PRKD1: variants seen among roughly 807,000 people sequenced by gnomAD.
PRKD1 encodes serine/threonine-protein kinase D1.
A neutral mutation model predicts 95.9 loss-of-function variants in PRKD1; 63 were observed. The observed-to-expected ratio is 0.66, with a 90% CI of 0.54 to 0.81. PRKD1 has a LOEUF of 0.81. Ranked by LOEUF, PRKD1 falls within the 30% of genes least tolerant of loss-of-function variation. The pLI is 0.00. For synonymous variants in PRKD1, 425 were observed against 423.1 expected (o/e 1.00, Z -0.05); for missense variants, 1,048 against 1,165.3 (o/e 0.90, Z 1.47).
At chr14:29,910,499 G>C (rs1485015976) in intron 1 of PRKD1, among the ~76,000 whole-genome samples, 1 of 152,136 alleles carries the variant, frequency 6.6e-6, no homozygotes, top group East Asian at 1.9e-4. Context: ...CAAAGCCCTA[G>C]AGACTGCCAA....
At chr14:29,676,274 T>C (rs1182500210) in intron 2 of PRKD1, among the ~76,000 whole-genome samples, 1 of 148,316 alleles carries the variant, frequency 6.7e-6, no homozygotes, top group Admixed American at 6.8e-5. Context: ...TTCAGCGGCA[T>C]CAGTTTACTC....
rs1167365079 is a variant in PRKD1 at position 29,599,147 on chromosome 14, A to G, written c.2068-22T>C. ...GTATCTGTAAAGAAGAATCACCAAA[A>G]TTTCATTCCAGTTTATTAATTTCAA... On this transcript the variant is annotated intron_variant, in intron 14 of 17. Coordinates refer to ENST00000331968, the MANE Select transcript of PRKD1 (RefSeq NM_002742.3). 3 of 1,586,444 alleles carry G rather than the reference A, an allele frequency of 1.9e-6. No individual in the cohort carries two copies. The Admixed American group carries it at 5.0e-5, about 27-fold the overall frequency.
intron 1 of PRKD1, among the ~76,000 whole-genome samples, chr14:29,739,805 G>A (rs964625428): frequency 6.6e-6 from 1 of 152,162 alleles, no homozygotes; most frequent in African/African-American, 2.4e-5. Context: ...GTGACTCAGT[G>A]AGATACTTAA....
chr14:29,814,295 G>A (rs749494613), intron 1 of PRKD1, among the ~76,000 whole-genome samples: 1 of 152,142 alleles, frequency 6.6e-6, no homozygotes, highest in African/African-American at 2.4e-5. Flanking sequence ...ACAACACTGG[G>A]TCAGCATTTG....
At chr14:29,587,419 A>G (rs1050513579) in intron 16 of PRKD1, among the ~76,000 whole-genome samples, 2 of 152,212 alleles carry the variant, frequency 1.3e-5, no homozygotes, top group Non-Finnish European at 2.9e-5. Context: ...ATCTCCACAC[A>G]TAACTCAGGT....
chr14:29,725,298 A>C (rs1212270880), intron 2 of PRKD1, among the ~76,000 whole-genome samples: 2 of 152,086 alleles, frequency 1.3e-5, no homozygotes, highest in Non-Finnish European at 2.9e-5. Context: ...AGAGGCTGAG[A>C]GGGGGCTGGG....
intron 13 of PRKD1, among the ~76,000 whole-genome samples, chr14:29,614,777 C>T (rs780959274): frequency 3.3e-5 from 5 of 151,554 alleles, no homozygotes; most frequent in Non-Finnish European, 7.4e-5. Context: ...CGGCTCACTG[C>T]AACCTCTGCC....
At chr14:29,738,210 G>A (rs1011413556) in intron 1 of PRKD1, among the ~76,000 whole-genome samples, 12 of 152,290 alleles carry the variant, frequency 7.9e-5, no homozygotes, top group African/African-American at 2.9e-4. Context: ...ACATGAAAAA[G>A]AATTGCACAC....
intron 2 of PRKD1, among the ~76,000 whole-genome samples, chr14:29,680,351 G>T (rs1218997077): frequency 1.3e-5 from 2 of 152,164 alleles, no homozygotes; most frequent in Non-Finnish European, 2.9e-5. Context: ...AGTGTCTAGT[G>T]AGTATTGTTT....
chr14:29,628,511 C>T (rs187650956), intron 11 of PRKD1, among the ~76,000 whole-genome samples: 4 of 152,116 alleles, frequency 2.6e-5, no homozygotes, highest in African/African-American at 7.2e-5. Context: ...GATGGAGTTA[C>T]GTGGCGCAGA....
intron 4 of PRKD1, among the ~76,000 whole-genome samples, chr14:29,656,116 G>A (rs1244810416): frequency 1.3e-5 from 2 of 152,012 alleles, no homozygotes; most frequent in Non-Finnish European, 2.9e-5. Flanking sequence ...ATAAGTGAGG[G>A]CTGATGTATT....
chr14:29,695,925 T>G (rs1594436654), intron 2 of PRKD1, among the ~76,000 whole-genome samples: 1 of 152,158 alleles, frequency 6.6e-6, no homozygotes, highest in Non-Finnish European at 1.5e-5. Flanking sequence ...TTACAATAAA[T>G]GTAAAATGGA....
At position 29,927,518 on chromosome 14, in the gene PRKD1, G is replaced by C. The variant is rs913392873; in HGVS notation, c.-6C>G. ...AGGACCGGAGGGGCGCTCATCGCTC[G>C]GCGGGGCGCAGGGCCGGGCAGCGGA... On this transcript the variant is annotated 5_prime_UTR_variant, in exon 1 of 18. Transcript: ENST00000331968. 9 of 1,182,552 alleles carry C rather than the reference G, an allele frequency of 7.6e-6. No individual in the cohort carries two copies. Among genetic ancestry groups the C allele is most frequent in the Non-Finnish European group, 9.4e-6 (9 of 958,150 alleles). The allele number at this position is 1,182,552 out of a possible 1,614,324, so 73.3% of individuals were successfully genotyped here.
chr14:29,700,397 A>G (rs1488902193), intron 2 of PRKD1, among the ~76,000 whole-genome samples: 2 of 152,188 alleles, frequency 1.3e-5, no homozygotes, highest in Admixed American at 1.3e-4. Context: ...CTTTTGATCT[A>G]GAGAAGTCCA....
intron 1 of PRKD1, among the ~76,000 whole-genome samples, chr14:29,826,427 TATG>T (rs1278036342): frequency 9.6e-6 from 1 of 104,100 alleles, no homozygotes; most frequent in Non-Finnish European, 1.8e-5. Flanking sequence ...TATATACATA[TATG>T]ATGGAATATA....
intron 16 of PRKD1, among the ~76,000 whole-genome samples, chr14:29,594,642 G>C (rs986632402): frequency 4.6e-5 from 7 of 152,078 alleles, no homozygotes; most frequent in African/African-American, 1.7e-4. Context: ...AATCATGGAG[G>C]TGCTTGGGTT....
At chr14:29,774,028 A>G (rs969742505) in intron 1 of PRKD1, among the ~76,000 whole-genome samples, 1 of 152,232 alleles carries the variant, frequency 6.6e-6, no homozygotes, top group African/African-American at 2.4e-5. Flanking sequence ...AGATCAGTTG[A>G]GCTACAGTAT....
chr14:29,919,576 G>A (rs1185520532), intron 1 of PRKD1, among the ~76,000 whole-genome samples: 1 of 152,058 alleles, frequency 6.6e-6, no homozygotes, highest in African/African-American at 2.4e-5. Context: ...AATTCCTGTG[G>A]GAAATATCTC....
intron 1 of PRKD1, among the ~76,000 whole-genome samples, chr14:29,914,016 TCTAGTACATTAGGGAAAA>T (rs2139126020): frequency 6.6e-6 from 1 of 152,342 alleles, no homozygotes; most frequent in South Asian, 2.1e-4. Flanking sequence ...AAAGCACCTT[TCTAGTACATTAGGGAAAA>T]CTACTTTACT....
Sources: gnomAD v4.1 joint callset for allele counts (sites outside exome capture counted in the v4.1 genomes callset) on GRCh38, gnomAD v4.1.1 for gene constraint, MANE v1.5 for transcripts, NCBI Gene and HGNC (gene_info 2026-07-23, HGNC 2026-07-21) for gene names.